The following JAM3 variants were observed in gnomAD, a reference collection of about 807,000 sequenced individuals.
JAM3 encodes the protein junctional adhesion molecule 3.
Under a neutral mutation model 39.4 loss-of-function variants are expected in JAM3, and 31 were observed. The ratio of observed to expected loss-of-function variants is 0.79; its 90% CI spans 0.59 to 1.06. The LOEUF is 1.06. Ranked by LOEUF, JAM3 falls within the 50% of genes least tolerant of loss-of-function variation. The probability of loss-of-function intolerance (pLI) is 0.00; values close to 1 mark genes in which losing one functional copy is unlikely to be tolerated. For synonymous variants in JAM3, 182 were observed against 148.7 expected (o/e 1.22, Z -1.63); for missense variants, 455 against 391.4 (o/e 1.16, Z -1.37).
chr11:134,105,470 C>T (rs1287613189), intron 1 of JAM3, among the ~76,000 whole-genome samples: 1 of 152,154 alleles, frequency 6.6e-6, no homozygotes, highest in East Asian at 1.9e-4. Flanking sequence ...CTCACCACTC[C>T]TATTCAACAT....
rs548076571 is a variant in JAM3 at position 134,144,880 on chromosome 11, C to A, written c.498C>A (p.His166Gln). The A allele has an allele frequency of 6.2e-7, 1 of 1,613,850 alleles. No individual in the cohort carries two copies. The highest frequency in any genetic ancestry group is 1.1e-5 in the South Asian group (1 of 91,076). ...ATLHCQESEG[H>Q]PRPHYSWYRN... ...TGCACTGCCAGGAGAGTGAGGGCCA[C>A]CCCCGGCCTCACTACAGCTGGTATC... is the stretch of plus-strand genomic sequence containing the variant. Residue 166 changes from histidine to glutamine, a missense_variant, in exon 5 of 9, where the codon CAC (histidine) becomes CAA (glutamine). Transcript: ENST00000299106.
At chr11:134,125,114 G>A (rs981494975) in intron 1 of JAM3, among the ~76,000 whole-genome samples, 43 of 152,286 alleles carry the variant, frequency 2.8e-4, no homozygotes, top group African/African-American at 9.6e-4. Flanking sequence ...GTGCACGGCC[G>A]CCGCCACTGC....
At chr11:134,090,767 G>A (rs1399450966) in intron 1 of JAM3, among the ~76,000 whole-genome samples, 1 of 151,868 alleles carries the variant, frequency 6.6e-6, no homozygotes, top group Non-Finnish European at 1.5e-5. Context: ...AACCTGAAAT[G>A]CTTTGCTTTG....
chr11:134,148,078 TCTTTA>T (rs749480952), intron 6 of JAM3: 5 of 219,626 alleles, frequency 2.3e-5, no homozygotes, highest in South Asian at 7.2e-5. Context: ...TACCTAGGAT[TCTTTA>T]CTTGTTTGTT....
intron 1 of JAM3, among the ~76,000 whole-genome samples, chr11:134,120,147 G>C (rs1248165529): frequency 6.6e-6 from 1 of 151,854 alleles, no homozygotes; most frequent in Non-Finnish European, 1.5e-5. Context: ...CTCTAGGGTA[G>C]ACTCTGCGAA....
In JAM3 at chr11:134,151,845, A is replaced by G. The variant is rs905500906; in HGVS notation, c.*2664A>G. 1.6e-4 allele frequency: 12 copies of G among 77,378 alleles called. No individual in the cohort carries two copies. Among genetic ancestry groups the G allele is most frequent in the Admixed American group, 4.2e-4 (2 of 4,790 alleles). 4.8% of individuals were successfully genotyped at this position (77,378 alleles called of 1,614,324 possible). ...GTTAGGCATGCACACTAAAAATGCT[A>G]TCAATCACCCATCCACCAGGGAAGT... On this transcript the variant is annotated 3_prime_UTR_variant, in exon 9 of 9. Transcript: ENST00000299106.
At chr11:134,096,389 G>T (rs1005929940) in intron 1 of JAM3, among the ~76,000 whole-genome samples, 1 of 152,210 alleles carries the variant, frequency 6.6e-6, no homozygotes, top group Non-Finnish European at 1.5e-5. Flanking sequence ...CATCCAGAAG[G>T]CCTGGGTCTG....
In JAM3 at chr11:134,151,190, CTTTT is replaced by C. The variant is rs368777017; in HGVS notation, c.*2014_*2017del. The C allele has an allele frequency of 4.6e-5, 7 of 152,248 alleles. No individual in the cohort carries two copies. The highest frequency in any genetic ancestry group is 1.4e-4 in the African/African-American group (6 of 41,542). The allele number at this position is 152,248 out of a possible 1,614,324, so 9.4% of individuals were successfully genotyped here. ...TCTTGGGTTTTTTATACTTTGACAG[CTTTT>C]TTTTAATTGCATACATGAGACTGTG... is the stretch of plus-strand genomic sequence containing the variant. On this transcript the variant is annotated 3_prime_UTR_variant, in exon 9 of 9. Coordinates refer to ENST00000299106, the MANE Select transcript of JAM3 (RefSeq NM_032801.5).
chr11:134,092,311 CTT>C (rs1565485436), intron 1 of JAM3, among the ~76,000 whole-genome samples: 3 of 149,252 alleles, frequency 2.0e-5, no homozygotes, highest in African/African-American at 7.5e-5. Context: ...TTAAACGTCA[CTT>C]CCTGAGGGAA....
At chr11:134,082,133 GC>G (rs1182814576) in intron 1 of JAM3, among the ~76,000 whole-genome samples, 1 of 152,178 alleles carries the variant, frequency 6.6e-6, no homozygotes. Context: ...GGGGCCTATA[GC>G]CCCTTTGTCT....
intron 1 of JAM3, chr11:134,070,302 G>C (rs35590990): frequency 0.083 from 35,734 of 431,350 alleles, 1,722 homozygotes; most frequent in Admixed American, 0.11. Flanking sequence ...GACCTTTTTC[G>C]GTTCTTAGAT....
At chr11:134,107,378 T>A (rs1157940615) in intron 1 of JAM3, among the ~76,000 whole-genome samples, 2 of 152,068 alleles carry the variant, frequency 1.3e-5, no homozygotes, top group African/African-American at 4.8e-5. Flanking sequence ...ATATACCTAA[T>A]GTAAATGACG....
At position 134,140,763 on chromosome 11, in the gene JAM3, A is replaced by T. The variant is rs2120857316; in HGVS notation, c.249A>T (p.Lys83Asn). ...EQTTYVFFDN[K>N]IQGDLAGRAE... ...CCACATATGTGTTTTTTGACAACAA[A>T]ATTCAGGGTATGATCCTGTAGTCCT... Residue 83 changes from lysine to asparagine, a missense_variant, in exon 3 of 9, where the codon AAA becomes AAT. Transcript: ENST00000299106. The T allele has an allele frequency of 6.2e-7, 1 of 1,613,274 alleles. No individual in the cohort carries two copies. The highest frequency in any genetic ancestry group is 2.2e-5 in the East Asian group (1 of 44,838).
chr11:134,090,334 C>G (rs1029556860), intron 1 of JAM3, among the ~76,000 whole-genome samples: 5 of 152,174 alleles, frequency 3.3e-5, no homozygotes, highest in Admixed American at 6.5e-5. Context: ...TCAATTTTAG[C>G]TTTTGTTGCC....
chr11:134,127,714 C>T (rs1420302361), intron 1 of JAM3, among the ~76,000 whole-genome samples: 1 of 152,162 alleles, frequency 6.6e-6, no homozygotes, highest in South Asian at 2.1e-4. Flanking sequence ...CAAAATAAAA[C>T]TTGATGCCTT....
At chr11:134,144,106 A>G in intron 3 of JAM3, 135 bp from the exon 4 acceptor site, 1 of 826,610 alleles carries the variant, frequency 1.2e-6, no homozygotes, top group Non-Finnish European at 2.0e-6. Flanking sequence ...TCACTTCTGT[A>G]CTCGGGAATA....
chr11:134,110,969 C>G (rs1040449415), intron 1 of JAM3, among the ~76,000 whole-genome samples: 1 of 151,746 alleles, frequency 6.6e-6, no homozygotes, highest in East Asian at 1.9e-4. Flanking sequence ...TCCCTGACTC[C>G]CAAAACTGGA....
intron 1 of JAM3, among the ~76,000 whole-genome samples, chr11:134,108,610 C>T (rs1942248193): frequency 6.6e-6 from 1 of 152,100 alleles, no homozygotes; most frequent in African/African-American, 2.4e-5. Flanking sequence ...CAAAAACCAA[C>T]CGAGGTTTAT....
At chr11:134,080,826 G>A (rs1402768015) in intron 1 of JAM3, among the ~76,000 whole-genome samples, 1 of 152,156 alleles carries the variant, frequency 6.6e-6, no homozygotes, top group African/African-American at 2.4e-5. Context: ...GGAACAGTTT[G>A]GAGGGCTCAG....
Sources: gnomAD v4.1 joint callset for allele counts (sites outside exome capture counted in the v4.1 genomes callset) on GRCh38, gnomAD v4.1.1 for gene constraint, MANE v1.5 for transcripts, NCBI Gene and HGNC (gene_info 2026-07-23, HGNC 2026-07-21) for gene names.